APBA2: variants seen among roughly 807,000 people sequenced by gnomAD.
APBA2 encodes amyloid-beta A4 precursor protein-binding family A member 2.
In APBA2, 30 loss-of-function variants were observed where a neutral mutation model predicts 75.0. That is an observed-to-expected ratio of 0.40 (90% CI 0.30 to 0.54). The LOEUF is 0.54. Ranked by LOEUF, APBA2 falls within the 20% of genes least tolerant of loss-of-function variation. The probability of loss-of-function intolerance (pLI) is 0.49; values close to 1 mark genes in which losing one functional copy is unlikely to be tolerated. For missense variants in APBA2, 801 were observed against 1,016.1 expected (o/e 0.79, Z 2.88); for synonymous variants, 444 against 409.6 (o/e 1.08, Z -1.01).
intron 2 of APBA2, among the ~76,000 whole-genome samples, chr15:28,988,461 G>C (rs55808129): frequency 6.6e-6 from 1 of 150,562 alleles, no homozygotes; most frequent in East Asian, 2.0e-4. Flanking sequence ...ACGAGGTTTC[G>C]CCATGTTGGC....
At chr15:28,891,682 A>T (rs1205755813) in intron 1 of APBA2, among the ~76,000 whole-genome samples, 1 of 152,206 alleles carries the variant, frequency 6.6e-6, no homozygotes, top group Non-Finnish European at 1.5e-5. Flanking sequence ...GCGCAGAGAG[A>T]TGCTTGGTTC....
At chr15:29,115,497 C>T (rs554234995) in intron 14 of APBA2, among the ~76,000 whole-genome samples, 1 of 152,234 alleles carries the variant, frequency 6.6e-6, no homozygotes, top group South Asian at 2.1e-4. Context: ...TTGAAGCGGC[C>T]GCCCCCACGG....
chr15:28,900,573 G>C (rs760872984), intron 1 of APBA2, among the ~76,000 whole-genome samples: 6 of 152,208 alleles, frequency 3.9e-5, no homozygotes, highest in Non-Finnish European at 8.8e-5. Context: ...TGGTGTGTTT[G>C]GTGACATTTG....
intron 7 of APBA2, 122 bp from the exon 8 acceptor site, chr15:29,094,155 CT>C: frequency 9.7e-7 from 1 of 1,031,104 alleles, no homozygotes; most frequent in East Asian, 2.4e-5. Flanking sequence ...CCACCCGTCC[CT>C]GCTGGGCTTT....
At chr15:29,041,224 G>T (rs1030954539) in intron 3 of APBA2, among the ~76,000 whole-genome samples, 1 of 151,868 alleles carries the variant, frequency 6.6e-6, no homozygotes. Flanking sequence ...TGTAGTCTCA[G>T]CACTTTGGGA....
chr15:29,053,600 G>T (rs538808442), intron 3 of APBA2, among the ~76,000 whole-genome samples: 6 of 152,210 alleles, frequency 3.9e-5, no homozygotes, highest in African/African-American at 1.2e-4. Context: ...GTGTGTCCTC[G>T]TGAGTTGCCG....
In APBA2 at chr15:29,093,072, C is replaced by T. The variant is rs2043658156; in HGVS notation, c.1070-3C>T. The T allele has an allele frequency of 6.2e-7, 1 of 1,614,224 alleles. No homozygotes were observed. Among genetic ancestry groups the T allele is most frequent in the East Asian group, 2.2e-5 (1 of 44,878 alleles). On this transcript the variant is annotated splice_polypyrimidine_tract_variant and splice_region_variant and intron_variant, in intron 6 of 14. Transcript: ENST00000683413. ...AAGACTCTGACTCTGTGCCCTCCTT[C>T]AGTTCCAGGGCCCTGCGAACCAGAA...
At chr15:29,077,118 G>A (rs2042885431) in intron 6 of APBA2, among the ~76,000 whole-genome samples, 1 of 152,206 alleles carries the variant, frequency 6.6e-6, no homozygotes, top group Non-Finnish European at 1.5e-5. Flanking sequence ...AATTCAGATA[G>A]GCTAAAATGG....
chr15:28,898,097 G>T (rs913627910), intron 1 of APBA2, among the ~76,000 whole-genome samples: 1 of 152,182 alleles, frequency 6.6e-6, no homozygotes, highest in Non-Finnish European at 1.5e-5. Flanking sequence ...CCAGGTAAAG[G>T]ATTCTCCCCT....
chr15:29,063,627 T>G (rs1206318347), intron 4 of APBA2, among the ~76,000 whole-genome samples: 1 of 147,918 alleles, frequency 6.8e-6, no homozygotes, highest in Non-Finnish European at 1.5e-5. Flanking sequence ...GGAGTTGATC[T>G]GGTCAGTGTC....
intron 1 of APBA2, among the ~76,000 whole-genome samples, chr15:28,919,928 C>T (rs756550773): frequency 4.9e-4 from 74 of 152,336 alleles, no homozygotes; most frequent in Non-Finnish European, 1.0e-3. Flanking sequence ...CTTGCTTCCT[C>T]TGTAGCCCGA....
intron 6 of APBA2, among the ~76,000 whole-genome samples, chr15:29,091,681 G>A (rs1358186254): frequency 6.6e-6 from 1 of 152,238 alleles, no homozygotes; most frequent in Non-Finnish European, 1.5e-5. Context: ...CAGGACTGGG[G>A]TCAGGGAACT....
chr15:28,952,276 A>G (rs2035930259), intron 2 of APBA2, among the ~76,000 whole-genome samples: 1 of 152,050 alleles, frequency 6.6e-6, no homozygotes, highest in African/African-American at 2.4e-5. Context: ...GAATAATAAG[A>G]GGAATGACTT....
chr15:29,033,713 C>T (rs2040598826), intron 3 of APBA2, among the ~76,000 whole-genome samples: 1 of 152,126 alleles, frequency 6.6e-6, no homozygotes, highest in Non-Finnish European at 1.5e-5. Context: ...GTAATTCCAG[C>T]ACTTTGGAAG....
At chr15:28,897,394 T>C (rs2152622710) in intron 1 of APBA2, among the ~76,000 whole-genome samples, 1 of 152,008 alleles carries the variant, frequency 6.6e-6, no homozygotes, top group East Asian at 1.9e-4. Context: ...GGCGGGTGGA[T>C]CACCTGAGGC....
At chr15:29,084,323 T>A (rs993050064) in intron 6 of APBA2, among the ~76,000 whole-genome samples, 22 of 152,224 alleles carry the variant, frequency 1.4e-4, no homozygotes, top group African/African-American at 5.3e-4. Flanking sequence ...TACATAATAG[T>A]AGAATATGGC....
chr15:28,904,585 C>T (rs1359745620), intron 1 of APBA2, among the ~76,000 whole-genome samples: 2 of 152,186 alleles, frequency 1.3e-5, no homozygotes, highest in Admixed American at 6.5e-5. Flanking sequence ...GTTGCCCTCC[C>T]CTCTTCCTTC....
At chr15:28,893,198 G>T (rs906974870) in intron 1 of APBA2, among the ~76,000 whole-genome samples, 1 of 152,222 alleles carries the variant, frequency 6.6e-6, no homozygotes, top group African/African-American at 2.4e-5. Context: ...AGAAGGGCAC[G>T]TGGAGATCTG....
chr15:29,113,616 G>A (rs1048610963), intron 13 of APBA2, among the ~76,000 whole-genome samples: 3 of 152,204 alleles, frequency 2.0e-5, no homozygotes, highest in African/African-American at 7.2e-5. Context: ...GCGGCCCTGG[G>A]GGAGGTGCAG....
Sources: gnomAD v4.1 joint callset for allele counts (sites outside exome capture counted in the v4.1 genomes callset) on GRCh38, gnomAD v4.1.1 for gene constraint, MANE v1.5 for transcripts, NCBI Gene and HGNC (gene_info 2026-07-23, HGNC 2026-07-21) for gene names.